The following CABP1 variants were observed in gnomAD, a reference collection of about 807,000 sequenced individuals.
The protein encoded by CABP1 is calcium-binding protein 1.
Under a neutral mutation model 34.3 loss-of-function variants are expected in CABP1, and 17 were observed. The observed-to-expected ratio is 0.50, with a 90% CI of 0.34 to 0.74. The LOEUF (loss-of-function observed/expected upper bound fraction) is 0.74, where lower values mean the gene tolerates loss of function less well. Ranked by LOEUF, CABP1 falls within the 30% of genes least tolerant of loss-of-function variation. The pLI is 0.01. For missense variants in CABP1, 373 were observed against 511.1 expected (o/e 0.73, Z 2.61); for synonymous variants, 198 against 229.2 (o/e 0.86, Z 1.23).
chr12:120,641,345 G>T lies in CABP1; in HGVS notation c.654+6G>T, dbSNP rs1408942971. 2 of 1,282,266 alleles carry T rather than the reference G, an allele frequency of 1.6e-6. No homozygotes were observed. Among genetic ancestry groups the T allele is most frequent in the Non-Finnish European group, 2.0e-6 (2 of 1,013,966 alleles). 79.4% of individuals were successfully genotyped at this position (1,282,266 alleles called of 1,614,324 possible). A position where few individuals can be genotyped will look rare whatever the true frequency, so the allele number is the denominator to read the frequency against. On this transcript the variant is annotated splice_donor_region_variant and intron_variant, in intron 1 of 5. Transcript: ENST00000316803. This position sits in a 1 kb window ranked among gnomAD's most constrained non-coding sequence, Gnocchi z 6.7. ...TCAGCTCCGCCTTTGGCCAGGTAAG[G>T]GCCGCGCCTCCCGTCAGCGCTCCCG...
chr12:120,661,597 CCTAT>C lies in CABP1; in HGVS notation c.1087+390_1087+393del, dbSNP rs144125096. 0.19 allele frequency: 34,478 copies of C among 183,342 alleles called. 3,725 individuals are homozygous for C. The highest frequency in any genetic ancestry group is 0.31 in the Middle Eastern group (124 of 400). The allele number at this position is 183,342 out of a possible 1,614,324, so 11.4% of individuals were successfully genotyped here. On this transcript the variant is annotated intron_variant, in intron 5 of 5. Transcript: ENST00000316803. The surrounding 1 kb of genome is among the most constrained non-coding windows in gnomAD (Gnocchi z 5.1). ...ATTTATCCATTCATCCATTCATCTA[CCTAT>C]CTATCTATCTGTCCATCATCCATCC...
chr12:120,666,597 C>T (rs796136294), intron 5 of CABP1, among the ~76,000 whole-genome samples: 12 of 151,990 alleles, frequency 7.9e-5, no homozygotes, highest in African/African-American at 2.7e-4. Flanking sequence ...AGAGATATGG[C>T]TGGAGATGTC....
At chr12:120,662,684 CTTT>C (rs34243939) in intron 5 of CABP1, among the ~76,000 whole-genome samples, 55 of 127,184 alleles carry the variant, frequency 4.3e-4, no homozygotes, top group Admixed American at 8.1e-4. Context: ...TTATCCTGTT[CTTT>C]TTTTTTTTTT....
At chr12:120,666,307 C>T (rs899387814) in intron 5 of CABP1, among the ~76,000 whole-genome samples, 2 of 150,530 alleles carry the variant, frequency 1.3e-5, no homozygotes, top group Non-Finnish European at 3.0e-5. Flanking sequence ...AACCCCATCT[C>T]TACTAAAAGT....
chr12:120,656,422 G>T (rs1880224888), intron 1 of CABP1: 1 of 610,892 alleles, frequency 1.6e-6, no homozygotes, highest in East Asian at 2.8e-5. Flanking sequence ...CAAAGTGCTG[G>T]TGAGTCCATA....
chr12:120,640,770 G>A lies in CABP1; in HGVS notation c.85G>A (p.Glu29Lys), dbSNP rs1458701998. Residue 29 changes from glutamate to lysine, a missense_variant, in exon 1 of 6, where the codon GAG (glutamate) becomes AAG (lysine). Glu to Lys is a moderately conservative substitution (Grantham distance 56). This residue lies in a region of CABP1 where 134 missense variants were observed against 145.4 expected (regional missense o/e 0.92). Coordinates refer to ENST00000316803, the MANE Select transcript of CABP1 (RefSeq NM_001033677.2). The surrounding 1 kb of genome is among the most constrained non-coding windows in gnomAD (Gnocchi z 6.2). ...CGTCCTCGGGCTTGGCTCCCGCCGG[G>A]AGCCCCGTTCTCTGCCCGCCGGGGG... ...QRVLGLGSRREPRSLPAGGPA... is the reference protein window; with the variant it reads ...QRVLGLGSRRKPRSLPAGGPA... 6.9e-6 allele frequency: 8 copies of A among 1,155,044 alleles called. No individual in the cohort carries two copies. The highest frequency in any genetic ancestry group is 8.5e-6 in the Non-Finnish European group (8 of 939,290). The allele number at this position is 1,155,044 out of a possible 1,614,324, so 71.5% of individuals were successfully genotyped here. A position where few individuals can be genotyped will look rare whatever the true frequency, so the allele number is the denominator to read the frequency against.
rs1880589360 is a variant in CABP1 at position 120,660,979 on chromosome 12, G to A, written c.940-92G>A. On this transcript the variant is annotated intron_variant, in intron 4 of 5. Coordinates refer to ENST00000316803, the MANE Select transcript of CABP1 (RefSeq NM_001033677.2). This position sits in a 1 kb window ranked among gnomAD's most constrained non-coding sequence, Gnocchi z 5.0. ...AGAGAAAGGTCTCTGGTAAAGGGGG[G>A]CAATGACACTGGAGAAGGAGCTCAA... 7 of 1,469,340 alleles carry A rather than the reference G, an allele frequency of 4.8e-6. No individual in the cohort carries two copies. The highest frequency in any genetic ancestry group is 3.7e-5 in the South Asian group (3 of 81,456). The allele number at this position is 1,469,340 out of a possible 1,614,324, so 91.0% of individuals were successfully genotyped here.
rs1880587062 is a variant in CABP1 at position 120,660,943 on chromosome 12, G to C, written c.939+103G>C. 7.2e-7 allele frequency: 1 copy of C among 1,390,078 alleles called. No individual in the cohort carries two copies. The highest frequency in any genetic ancestry group is 1.8e-5 in the Admixed American group (1 of 56,516). The allele number at this position is 1,390,078 out of a possible 1,614,324, so 86.1% of individuals were successfully genotyped here. On this transcript the variant is annotated intron_variant, in intron 4 of 5. Coordinates refer to ENST00000316803, the MANE Select transcript of CABP1 (RefSeq NM_001033677.2). This position sits in a 1 kb window ranked among gnomAD's most constrained non-coding sequence, Gnocchi z 5.0. ...AGCCTCAAGTCCCAGATCAGGGGAG[G>C]GAGCTTGGACAGAGAAAGGTCTCTG...
rs1880637511 is a variant in CABP1 at position 120,661,549 on chromosome 12, TCTAC to T, written c.1087+335_1087+338del. The stretch of plus-strand genomic sequence containing the variant: ...TACCCATCTATCCATCCATCCATCC[TCTAC>T]CTATCCATCCATCTGTCCATTTATC... On this transcript the variant is annotated intron_variant, in intron 5 of 5. Coordinates refer to ENST00000316803, the MANE Select transcript of CABP1 (RefSeq NM_001033677.2). This position sits in a 1 kb window ranked among gnomAD's most constrained non-coding sequence, Gnocchi z 5.1. 2.7e-5 allele frequency: 7 copies of T among 257,766 alleles called. No individual in the cohort carries two copies. The South Asian group carries it at 2.9e-4, about 11-fold the overall frequency. The allele number at this position is 257,766 out of a possible 1,614,324, so 16.0% of individuals were successfully genotyped here.
the CABP1 span, among the ~76,000 whole-genome samples, chr12:120,675,109 G>A: frequency 1.3e-5 from 2 of 152,076 alleles, no homozygotes; most frequent in Non-Finnish European, 2.9e-5. Flanking sequence ...CTGGAGTGCA[G>A]TGGTGTGATC....
At chr12:120,674,747 T>C in the CABP1 span, among the ~76,000 whole-genome samples, 1 of 151,860 alleles carries the variant, frequency 6.6e-6, no homozygotes, top group Admixed American at 6.6e-5. Context: ...AAAAATTAGC[T>C]GGGCATGGTG....
At chr12:120,659,492 TTG>T (rs1880484535) in intron 1 of CABP1, 5 of 177,948 alleles carry the variant, frequency 2.8e-5, no homozygotes, top group Non-Finnish European at 5.8e-5. Flanking sequence ...CATTCTTTTT[TTG>T]TTTTTTTTTT....
At chr12:120,669,840 G>A (rs1335683002), downstream of CABP1, among the ~76,000 whole-genome samples, 2 of 152,124 alleles carry the variant, frequency 1.3e-5, no homozygotes, top group Non-Finnish European at 2.9e-5. Flanking sequence ...GCCCCTTAAT[G>A]CTCAGGGTAA....
chr12:120,656,192 C>G, intron 1 of CABP1: 2 of 1,612,518 alleles, frequency 1.2e-6, no homozygotes, highest in Non-Finnish European at 1.7e-6. Flanking sequence ...GATGCTGGCC[C>G]AGAACTGCGC....
Position 120,660,936 on chromosome 12 carries a change from A to G in CABP1, c.939+96A>G. On this transcript the variant is annotated intron_variant, in intron 4 of 5. Coordinates refer to ENST00000316803, the MANE Select transcript of CABP1 (RefSeq NM_001033677.2). The surrounding 1 kb of genome is among the most constrained non-coding windows in gnomAD (Gnocchi z 5.0). The stretch of plus-strand genomic sequence containing the variant: ...AAGCCTGAGCCTCAAGTCCCAGATC[A>G]GGGGAGGGAGCTTGGACAGAGAAAG... The G allele has an allele frequency of 7.2e-7, 1 of 1,379,846 alleles. No homozygotes were observed. The highest frequency in any genetic ancestry group is 1.0e-6 in the Non-Finnish European group (1 of 978,604). The allele number at this position is 1,379,846 out of a possible 1,614,324, so 85.5% of individuals were successfully genotyped here.
intron 1 of CABP1, chr12:120,656,176 G>A (rs371538300): frequency 5.1e-5 from 83 of 1,613,450 alleles, no homozygotes; most frequent in African/African-American, 5.3e-5. Context: ...TCCCGGGACC[G>A]CTCCTGATGC....
chr12:120,669,543 A>G (rs1881178333), downstream of CABP1, among the ~76,000 whole-genome samples: 1 of 152,194 alleles, frequency 6.6e-6, no homozygotes, highest in Admixed American at 6.6e-5. Context: ...GCTGCCTAAA[A>G]TCAAAGAAGT....
At chr12:120,664,998 A>G (rs1400316334) in intron 5 of CABP1, among the ~76,000 whole-genome samples, 2 of 151,688 alleles carry the variant, frequency 1.3e-5, no homozygotes, top group African/African-American at 2.4e-5. Context: ...TGCATACCCT[A>G]TGATTTCATC....
At chr12:120,648,657 G>A (rs993468358) in intron 1 of CABP1, among the ~76,000 whole-genome samples, 2 of 152,032 alleles carry the variant, frequency 1.3e-5, no homozygotes, top group African/African-American at 4.8e-5. Context: ...AAGGCAGGTG[G>A]ATCACCTGAG....
Sources: allele counts gnomAD v4.1 joint callset (sites outside exome capture counted in the v4.1 genomes callset), GRCh38; gene constraint gnomAD v4.1.1; regional missense constraint gnomAD v4.1.1; non-coding constraint Gnocchi (gnomAD v3.1); transcripts MANE v1.5; gene names NCBI Gene and HGNC (gene_info 2026-07-23, HGNC 2026-07-21).